The following C12orf42 variants were observed in gnomAD, a reference collection of about 807,000 sequenced individuals.
C12orf42 encodes uncharacterized protein C12orf42.
Under a neutral mutation model 21.6 loss-of-function variants are expected in C12orf42, and 25 were observed. The ratio of observed to expected loss-of-function variants is 1.16; its 90% CI spans 0.84 to 1.62. C12orf42 has a LOEUF of 1.62. Ranked by LOEUF, C12orf42 falls within the 40% of genes most tolerant of loss-of-function variation. C12orf42 has a pLI of 0.00. For missense variants in C12orf42, 483 were observed against 459.3 expected (o/e 1.05, Z -0.47); for synonymous variants, 174 against 175.0 (o/e 0.99, Z 0.05).
chr12:103,547,611 G>A, the C12orf42 span, among the ~76,000 whole-genome samples: 1 of 152,212 alleles, frequency 6.6e-6, no homozygotes, highest in Non-Finnish European at 1.5e-5. Flanking sequence ...TAGACAGGGG[G>A]AAAGATATGT....
At chr12:103,304,902 T>C (rs1172526802) in intron 5 of C12orf42, among the ~76,000 whole-genome samples, 10 of 152,182 alleles carry the variant, frequency 6.6e-5, no homozygotes, top group Admixed American at 2.6e-4. Context: ...CTCCTTTGTA[T>C]TGAGTCAAAA....
the C12orf42 span, among the ~76,000 whole-genome samples, chr12:103,125,095 G>C: frequency 6.6e-6 from 1 of 152,024 alleles, no homozygotes; most frequent in Non-Finnish European, 1.5e-5. Flanking sequence ...TAAATGTTTT[G>C]TTTATATAAA....
At chr12:103,313,697 G>A (rs187378765) in intron 4 of C12orf42, among the ~76,000 whole-genome samples, 136 of 152,280 alleles carry the variant, frequency 8.9e-4, no homozygotes, top group South Asian at 1.9e-3. Context: ...TGTTATTATC[G>A]TTGTTGTTAT....
the C12orf42 span, among the ~76,000 whole-genome samples, chr12:103,225,365 A>C: frequency 1.0e-3 from 155 of 152,310 alleles, no homozygotes; most frequent in Middle Eastern, 3.4e-3. Flanking sequence ...AGGCCATGCT[A>C]TAGCAGGTGA....
At chr12:103,167,504 G>A in the C12orf42 span, among the ~76,000 whole-genome samples, 1 of 152,064 alleles carries the variant, frequency 6.6e-6, no homozygotes, top group Non-Finnish European at 1.5e-5. Flanking sequence ...CTGAAGCCCC[G>A]ATGAATTCCT....
the C12orf42 span, among the ~76,000 whole-genome samples, chr12:103,122,319 C>A: frequency 6.6e-6 from 1 of 152,230 alleles, no homozygotes; most frequent in Non-Finnish European, 1.5e-5. Context: ...GGAGAGCTAA[C>A]AATCCTGATG....
the C12orf42 span, among the ~76,000 whole-genome samples, chr12:103,226,006 G>T: frequency 6.6e-6 from 1 of 152,250 alleles, no homozygotes; most frequent in Non-Finnish European, 1.5e-5. Context: ...CAGAGTTCCA[G>T]GGGATCTGGG....
At chr12:103,304,856 C>G (rs2038108606) in intron 5 of C12orf42, among the ~76,000 whole-genome samples, 1 of 152,148 alleles carries the variant, frequency 6.6e-6, no homozygotes, top group South Asian at 2.1e-4. Context: ...CACTTCTAGC[C>G]CATGCAGTAC....
At chr12:103,552,478 A>G in the C12orf42 span, among the ~76,000 whole-genome samples, 2 of 152,230 alleles carry the variant, frequency 1.3e-5, no homozygotes, top group Non-Finnish European at 2.9e-5. Context: ...ACAAATAATT[A>G]ATTCCTGTAA....
chr12:103,122,200 T>G, the C12orf42 span, among the ~76,000 whole-genome samples: 1 of 152,220 alleles, frequency 6.6e-6, no homozygotes, highest in African/African-American at 2.4e-5. Context: ...TTTCCCCAAC[T>G]CTTCTCTCTG....
At chr12:103,467,659 G>A (rs545374692) in intron 2 of C12orf42, among the ~76,000 whole-genome samples, 1 of 152,308 alleles carries the variant, frequency 6.6e-6, no homozygotes, top group South Asian at 2.1e-4. Flanking sequence ...GGACTTTAGA[G>A]GACTGGACTA....
chr12:103,393,831 ACT>A (rs1400091801), intron 3 of C12orf42, among the ~76,000 whole-genome samples: 1 of 152,154 alleles, frequency 6.6e-6, no homozygotes. Context: ...TTTATTCATA[ACT>A]CTGTGCCTGT....
intron 4 of C12orf42, among the ~76,000 whole-genome samples, chr12:103,281,424 G>A (rs1406000077): frequency 3.9e-5 from 6 of 152,136 alleles, no homozygotes; most frequent in Non-Finnish European, 7.4e-5. Context: ...GTGCAGTGGC[G>A]TGGTCTCGGC....
At chr12:103,365,459 T>C (rs1197847802) in intron 4 of C12orf42, among the ~76,000 whole-genome samples, 1 of 152,030 alleles carries the variant, frequency 6.6e-6, no homozygotes, top group Non-Finnish European at 1.5e-5. Flanking sequence ...AACATAGTAC[T>C]GGAAGTCCTA....
intron 2 of C12orf42, among the ~76,000 whole-genome samples, chr12:103,402,624 C>A (rs1359649846): frequency 1.3e-5 from 2 of 152,022 alleles, no homozygotes; most frequent in Non-Finnish European, 2.9e-5. Context: ...GAGGTAGTAA[C>A]CAAAGAATCA....
At chr12:103,451,246 A>G (rs576596533) in intron 2 of C12orf42, among the ~76,000 whole-genome samples, 3 of 151,600 alleles carry the variant, frequency 2.0e-5, no homozygotes, top group South Asian at 2.1e-4. Flanking sequence ...TATTTATTTG[A>G]GACAGGGTCT....
At chr12:103,559,556 G>C in the C12orf42 span, 4 of 152,184 alleles carry the variant, frequency 2.6e-5, no homozygotes, top group Non-Finnish European at 5.9e-5. Flanking sequence ...ACCAAAGAGA[G>C]TGTTTAAGGC....
At chr12:103,305,468 C>G (rs756135085) in intron 5 of C12orf42, among the ~76,000 whole-genome samples, 1 of 152,134 alleles carries the variant, frequency 6.6e-6, no homozygotes, top group African/African-American at 2.4e-5. Flanking sequence ...TTGATCATGG[C>G]TACAGATCTG....
At chr12:103,092,900 G>A in the C12orf42 span, among the ~76,000 whole-genome samples, 18 of 152,022 alleles carry the variant, frequency 1.2e-4, no homozygotes, top group African/African-American at 3.1e-4. Flanking sequence ...TGTGTGATGC[G>A]CCACCATCCT....
Sources: gnomAD v4.1 joint callset for allele counts (sites outside exome capture counted in the v4.1 genomes callset) on GRCh38, gnomAD v4.1.1 for gene constraint, MANE v1.5 for transcripts, NCBI Gene and HGNC (gene_info 2026-07-23, HGNC 2026-07-21) for gene names.